The following COL22A1 variants were observed in gnomAD, a reference collection of about 807,000 sequenced individuals.
COL22A1 encodes collagen alpha-1(XXII) chain.
COL22A1 carries 221 observed loss-of-function variants against 248.9 expected under a neutral mutation model. The observed-to-expected ratio is 0.89, with a 90% CI of 0.80 to 0.99. The LOEUF (loss-of-function observed/expected upper bound fraction) is 0.99, where lower values mean the gene tolerates loss of function less well. Ranked by LOEUF, COL22A1 falls within the 50% of genes least tolerant of loss-of-function variation. COL22A1 has a pLI of 0.00. For missense variants in COL22A1, 2,240 were observed against 2,179.0 expected, an observed-to-expected ratio of 1.03 and a Z score of -0.56; for synonymous variants, 891 against 793.4, an observed-to-expected ratio of 1.12 and a Z score of -2.07.
In COL22A1 at chr8:138,755,197, G is replaced by A; in HGVS notation, c.1991C>T (p.Pro664Leu). Residue 664 changes from proline (P) to leucine (L), a missense_variant, in exon 21 of 65, where the codon CCC becomes CTC. By Grantham distance (98) the Pro-to-Leu change is moderately conservative. Transcript: ENST00000303045. ...GLKGEQGAPGPRGHQGAPGPP... is the reference protein window; with the variant it reads ...GLKGEQGAPGLRGHQGAPGPP... ...ACCGGGGGCGCCTTGGTGACCTCTGGGTCCTGGAGCTCCCTGGTAACACAA... is the reference window on the plus strand; with the variant it reads ...ACCGGGGGCGCCTTGGTGACCTCTGAGTCCTGGAGCTCCCTGGTAACACAA... 1 of 1,614,054 alleles carries A rather than the reference G, an allele frequency of 6.2e-7. No individual in the cohort carries two copies. The highest frequency in any genetic ancestry group is 8.5e-7 in the Non-Finnish European group (1 of 1,180,000).
chr8:138,718,596 T>G (rs1293945420), intron 27 of COL22A1, among the ~76,000 whole-genome samples: 1 of 152,228 alleles, frequency 6.6e-6, no homozygotes. Flanking sequence ...CTGCCATCCA[T>G]GACTTAGTCA....
intron 1 of COL22A1, among the ~76,000 whole-genome samples, chr8:138,911,769 C>T (rs1333013641): frequency 2.0e-5 from 3 of 152,200 alleles, no homozygotes; most frequent in African/African-American, 7.2e-5. Context: ...TAAAACCTTT[C>T]GTGAATCTGA....
intron 1 of COL22A1, among the ~76,000 whole-genome samples, chr8:138,910,246 C>A (rs1332569878): frequency 1.3e-5 from 2 of 152,212 alleles, no homozygotes; most frequent in African/African-American, 4.8e-5. Flanking sequence ...AGATGTCGGT[C>A]TGGCCACCTG....
intron 61 of COL22A1, among the ~76,000 whole-genome samples, chr8:138,598,247 G>T (rs187539464): frequency 1.3e-5 from 2 of 152,276 alleles, no homozygotes; most frequent in East Asian, 1.9e-4. Flanking sequence ...AGAGACGCAG[G>T]GGGACGAAGG....
intron 4 of COL22A1, among the ~76,000 whole-genome samples, chr8:138,843,457 G>A (rs576508229): frequency 1.3e-5 from 2 of 152,298 alleles, no homozygotes; most frequent in South Asian, 4.1e-4. Context: ...TGGGAGTTGG[G>A]AGAGAAGAAA....
intron 41 of COL22A1, among the ~76,000 whole-genome samples, chr8:138,667,500 T>C (rs1824611070): frequency 6.6e-6 from 1 of 152,282 alleles, no homozygotes; most frequent in East Asian, 1.9e-4. Flanking sequence ...AATGTGTTTA[T>C]ATCCCCGAGT....
intron 22 of COL22A1, among the ~76,000 whole-genome samples, chr8:138,750,043 GA>G (rs1181279423): frequency 2.0e-5 from 3 of 152,188 alleles, no homozygotes; most frequent in Non-Finnish European, 2.9e-5. Context: ...ATGAGCCTCA[GA>G]AGAGCTGATG....
intron 3 of COL22A1, among the ~76,000 whole-genome samples, chr8:138,860,839 G>A (rs185834604): frequency 9.7e-4 from 147 of 152,176 alleles, no homozygotes; most frequent in South Asian, 4.6e-3. Context: ...ACTTTCTCCC[G>A]CACCACTGTA....
chr8:138,764,468 G>A (rs2131411433), intron 16 of COL22A1, among the ~76,000 whole-genome samples: 1 of 152,350 alleles, frequency 6.6e-6, no homozygotes, highest in Non-Finnish European at 1.5e-5. Context: ...GCCTGCCTCA[G>A]GGTCCCCCCA....
chr8:138,743,767 G>A (rs1286508517), intron 22 of COL22A1, among the ~76,000 whole-genome samples: 4 of 152,128 alleles, frequency 2.6e-5, no homozygotes, highest in Non-Finnish European at 1.5e-5. Context: ...TTTATCAAGA[G>A]GGCAGATTTT....
intron 3 of COL22A1, among the ~76,000 whole-genome samples, chr8:138,855,104 A>G (rs1483118063): frequency 6.6e-6 from 1 of 152,188 alleles, no homozygotes; most frequent in Non-Finnish European, 1.5e-5. Context: ...AAAATAATGA[A>G]CTACCTCTCA....
intron 35 of COL22A1, among the ~76,000 whole-genome samples, chr8:138,691,836 A>ACACGTAAGTGTGTGCATGTT (rs1826966211): frequency 8.8e-4 from 9 of 10,264 alleles, no homozygotes; most frequent in East Asian, 2.1e-3. Flanking sequence ...AGGTGTGTGT[A>ACACGTAAGTGTGTGCATGTT]TGTGGAGGTG....
intron 62 of COL22A1, among the ~76,000 whole-genome samples, chr8:138,595,660 G>A (rs1409597681): frequency 6.6e-6 from 1 of 151,856 alleles, no homozygotes; most frequent in Non-Finnish European, 1.5e-5. Flanking sequence ...TCTTTTTCCT[G>A]CATGGAAATG....
chr8:138,623,596 G>A, intron 52 of COL22A1, 136 bp downstream of exon 52: 1 of 736,398 alleles, frequency 1.4e-6, no homozygotes, highest in Non-Finnish European at 2.3e-6. Flanking sequence ...TACTGTGCAG[G>A]AGTATGTAAA....
chr8:138,853,467 T>C (rs991750500), intron 3 of COL22A1, among the ~76,000 whole-genome samples: 8 of 152,220 alleles, frequency 5.3e-5, no homozygotes, highest in Non-Finnish European at 2.9e-5. Flanking sequence ...CAGGTCTCTC[T>C]CTTTTTAAAA....
chr8:138,810,801 G>T (rs936320294), intron 9 of COL22A1, among the ~76,000 whole-genome samples: 10 of 152,338 alleles, frequency 6.6e-5, no homozygotes, highest in Middle Eastern at 3.4e-3. Context: ...CTGAAAAGAA[G>T]ACTGCTGCTA....
chr8:138,737,490 C>T (rs754112493), intron 23 of COL22A1, 34 bp downstream of exon 23: 37 of 1,485,382 alleles, frequency 2.5e-5, no homozygotes, highest in South Asian at 7.9e-5. Flanking sequence ...AGAAAAGCAG[C>T]GTTGCTATGG....
rs548445897 is a variant in COL22A1 at position 138,595,526 on chromosome 8, C to A, written c.4433-1327G>T. 5.9e-5 allele frequency among the ~76,000 whole-genome samples: 9 copies of A among 152,274 alleles called. 1 individual carries two copies. In the South Asian group the frequency reaches 1.5e-3, roughly 25 times the overall value. ...TCAGAACACCACCCACCCATGGTGC[C>A]CACCAATTTGTTCCTTATTTCCCTC... On this transcript the variant is annotated intron_variant, in intron 62 of 64. Transcript: ENST00000303045.
At chr8:138,657,069 A>T (rs185455005) in intron 44 of COL22A1, among the ~76,000 whole-genome samples, 35 of 152,294 alleles carry the variant, frequency 2.3e-4, no homozygotes, top group Non-Finnish European at 3.7e-4. Flanking sequence ...AAGCTCAGAA[A>T]TTCAATCAAT....
Sources: allele counts gnomAD v4.1 joint callset (sites outside exome capture counted in the v4.1 genomes callset), GRCh38; gene constraint gnomAD v4.1.1; transcripts MANE v1.5; gene names NCBI Gene and HGNC (gene_info 2026-07-23, HGNC 2026-07-21).